CHL1: variants seen among roughly 807,000 people sequenced by gnomAD.
CHL1 encodes the protein cell adhesion molecule L1 like.
In CHL1, 96 loss-of-function variants were observed where a neutral mutation model predicts 141.9. The ratio of observed to expected loss-of-function variants is 0.68; its 90% confidence interval spans 0.57 to 0.80. CHL1 has a LOEUF of 0.80. CHL1 is among the 30% of genes least tolerant of loss of function. CHL1 has a pLI of 0.00. For missense variants in CHL1, 1,820 were observed against 1,457.2 expected (o/e 1.25, Z -4.05); for synonymous variants, 613 against 502.2 (o/e 1.22, Z -2.95).
At chr3:295,829 C>T (rs1698138896) in intron 2 of CHL1, among the ~76,000 whole-genome samples, 1 of 152,176 alleles carries the variant, frequency 6.6e-6, no homozygotes, top group African/African-American at 2.4e-5. Context: ...GACAGCCTGT[C>T]CAGTGAGCAG....
intron 2 of CHL1, among the ~76,000 whole-genome samples, chr3:314,561 C>G (rs946253944): frequency 1.3e-5 from 2 of 151,650 alleles, no homozygotes; most frequent in Admixed American, 6.6e-5. Context: ...TACTGACCAG[C>G]TGGTTCTAGC....
intron 2 of CHL1, among the ~76,000 whole-genome samples, chr3:299,900 C>T (rs1698567214): frequency 6.6e-6 from 1 of 152,184 alleles, no homozygotes. Flanking sequence ...GTCACTGCTA[C>T]CTTCTCTCTC....
intron 1 of CHL1, among the ~76,000 whole-genome samples, chr3:242,197 G>C (rs780262211): frequency 6.6e-5 from 10 of 152,124 alleles, no homozygotes; most frequent in Non-Finnish European, 1.5e-4. Flanking sequence ...ATATATATGT[G>C]TGTGTATATA....
Position 328,361 on chromosome 3 carries a change from A to G in CHL1, c.385+7A>G. On this transcript the variant is annotated splice_region_variant and intron_variant, in intron 5 of 27. Coordinates refer to ENST00000256509, the MANE Select transcript of CHL1 (RefSeq NM_006614.4). ...ATAGAATTTATAGTTCCAAGTAAGTACTATAACGGGAATTTCATTTTACAA... is the reference window on the plus strand; with the variant it reads ...ATAGAATTTATAGTTCCAAGTAAGTGCTATAACGGGAATTTCATTTTACAA... 1.9e-6 allele frequency: 3 copies of G among 1,599,292 alleles called. No individual in the cohort carries two copies. The highest frequency in any genetic ancestry group is 2.6e-6 in the Non-Finnish European group (3 of 1,172,090).
At chr3:349,162 G>A (rs1399319883) in intron 9 of CHL1, among the ~76,000 whole-genome samples, 197 bp from the exon 10 acceptor site, 2 of 152,200 alleles carry the variant, frequency 1.3e-5, no homozygotes, top group African/African-American at 4.8e-5. Flanking sequence ...AACTTTCAGT[G>A]AAAGAGACTT....
chr3:272,431 T>A, intron 2 of CHL1, among the ~76,000 whole-genome samples: 1 of 152,190 alleles, frequency 6.6e-6, no homozygotes, highest in East Asian at 1.9e-4. Flanking sequence ...CTTTCAGAAA[T>A]ATTTCAGGAA....
At chr3:314,303 C>CTCTA in intron 2 of CHL1, among the ~76,000 whole-genome samples, 2 of 122,288 alleles carry the variant, frequency 1.6e-5, no homozygotes, top group African/African-American at 3.6e-5. Context: ...CTTGCACTCT[C>CTCTA]TCTCTTTCTC....
At chr3:243,994 A>T (rs1484719498) in intron 1 of CHL1, among the ~76,000 whole-genome samples, 3 of 152,244 alleles carry the variant, frequency 2.0e-5, no homozygotes, top group African/African-American at 2.4e-5. Context: ...CCAATCCTTG[A>T]GACACCTGGG....
intron 1 of CHL1, among the ~76,000 whole-genome samples, chr3:203,772 C>T (rs772233541): frequency 3.9e-5 from 6 of 152,200 alleles, no homozygotes; most frequent in Non-Finnish European, 5.9e-5. Flanking sequence ...CCAGTTGCTT[C>T]TTCAGCAAGG....
chr3:204,136 C>T (rs576027553), intron 1 of CHL1, among the ~76,000 whole-genome samples: 6 of 152,308 alleles, frequency 3.9e-5, no homozygotes, highest in Middle Eastern at 3.4e-3. Flanking sequence ...TTGTCCATTT[C>T]ATTGCATTAT....
chr3:344,514 A>T, intron 8 of CHL1, 75 bp from the exon 9 acceptor site: 2 of 1,142,420 alleles, frequency 1.8e-6, no homozygotes, highest in Non-Finnish European at 2.5e-6. Flanking sequence ...TTTTTGTTTT[A>T]AGAAAGATGT....
intron 23 of CHL1, 21 bp downstream of exon 23, chr3:391,818 G>T (rs1708251271): frequency 1.3e-6 from 2 of 1,558,204 alleles, no homozygotes; most frequent in South Asian, 2.4e-5. Flanking sequence ...ATTTGAATTG[G>T]AGTTAACTTG....
chr3:256,839 G>A (rs929657662), intron 2 of CHL1, among the ~76,000 whole-genome samples: 3 of 152,172 alleles, frequency 2.0e-5, no homozygotes, highest in African/African-American at 7.2e-5. Context: ...CTGAGTGATG[G>A]CATGATTTGA....
intron 8 of CHL1, 133 bp downstream of exon 8, chr3:343,164 G>T: frequency 3.2e-6 from 2 of 616,418 alleles, no homozygotes; most frequent in Non-Finnish European, 2.7e-6. Flanking sequence ...AACTTAGAGG[G>T]TTCTATTGCC....
chr3:269,319 G>T (rs1440576133), intron 2 of CHL1, among the ~76,000 whole-genome samples: 1 of 152,114 alleles, frequency 6.6e-6, no homozygotes, highest in Non-Finnish European at 1.5e-5. Flanking sequence ...GTACAGACTG[G>T]TGCACGTGAA....
Position 398,292 on chromosome 3 carries a change from G to A in CHL1, c.3160G>A (p.Glu1054Lys), listed in dbSNP as rs1218104914. 1.9e-6 allele frequency: 3 copies of A among 1,607,544 alleles called. No homozygotes were observed. In the African/African-American group the frequency reaches 4.0e-5, roughly 21 times the overall value. ...TQKTHPIEVFEPGAEHIVRLM... is the reference protein window; with the variant it reads ...TQKTHPIEVFKPGAEHIVRLM... ...AAAGACTCACCCAATAGAGGTATTT[G>A]AGCCGGGAGCTGAACATATAGTTCG... Residue 1054 changes from glutamate to lysine, a missense_variant, in exon 25 of 28, where the codon GAG (glutamate) becomes AAG (lysine). Transcript: ENST00000256509.
At chr3:370,205 C>T (rs966216968) in intron 15 of CHL1, among the ~76,000 whole-genome samples, 2 of 152,220 alleles carry the variant, frequency 1.3e-5, no homozygotes, top group Non-Finnish European at 2.9e-5. Flanking sequence ...TGGTAGAATT[C>T]GGCTGTCAAT....
intron 15 of CHL1, among the ~76,000 whole-genome samples, chr3:367,453 G>T (rs1705046574): frequency 6.6e-6 from 1 of 152,106 alleles, no homozygotes; most frequent in Admixed American, 6.5e-5. Flanking sequence ...TAACATCTTT[G>T]TGCTTTAGTT....
At chr3:214,092 C>G (rs553399488) in intron 1 of CHL1, among the ~76,000 whole-genome samples, 2 of 152,242 alleles carry the variant, frequency 1.3e-5, no homozygotes, top group East Asian at 3.9e-4. Flanking sequence ...TTGAGGAAGG[C>G]AGTGATATCC....
Sources: allele counts gnomAD v4.1 joint callset (sites outside exome capture counted in the v4.1 genomes callset), GRCh38; gene constraint gnomAD v4.1.1; transcripts MANE v1.5; gene names NCBI Gene and HGNC (gene_info 2026-07-23, HGNC 2026-07-21).